NR5A2: variants seen among roughly 807,000 people sequenced by gnomAD.
The protein encoded by NR5A2 is nuclear receptor subfamily 5 group A member 2, also known as CYP7A promoter-binding factor.
Under a neutral mutation model 62.7 loss-of-function variants are expected in NR5A2, and 26 were observed. The ratio of observed to expected loss-of-function variants is 0.41; its 90% CI spans 0.30 to 0.58. The LOEUF (loss-of-function observed/expected upper bound fraction) is 0.58. Ranked by LOEUF, NR5A2 falls within the 20% of genes least tolerant of loss-of-function variation. NR5A2 has a pLI of 0.22. For synonymous variants in NR5A2, 246 were observed against 241.7 expected, an observed-to-expected ratio of 1.02 and a Z score of -0.16; for missense variants, 541 against 669.1, an observed-to-expected ratio of 0.81 and a Z score of 2.11.
chr1:200,083,758 G>A (rs1163309801), intron 5 of NR5A2, among the ~76,000 whole-genome samples: 1 of 152,018 alleles, frequency 6.6e-6, no homozygotes, highest in African/African-American at 2.4e-5. Flanking sequence ...CCTGAGGCCG[G>A]GAGTTCAAGA....
At chr1:200,051,176 A>T (rs1662613257) in intron 5 of NR5A2, among the ~76,000 whole-genome samples, 2 of 152,214 alleles carry the variant, frequency 1.3e-5, no homozygotes, top group Non-Finnish European at 1.5e-5. Flanking sequence ...AGTTTATAAT[A>T]AGACAGTTTC....
rs750009121 is a variant in NR5A2 at position 200,048,233 on chromosome 1, C to T, written c.525C>T (p.Asp175=). The T allele has an allele frequency of 6.2e-7, 1 of 1,614,022 alleles. No homozygotes were observed. Among genetic ancestry groups the T allele is most frequent in the South Asian group, 1.1e-5 (1 of 91,074 alleles). The change falls in exon 5 of 8, where the codon GAC becomes GAT. Residue 175 remains aspartate (D), a synonymous_variant. Coordinates refer to ENST00000367362, the MANE Select transcript of NR5A2 (RefSeq NM_205860.3). This position sits in a 1 kb window ranked among gnomAD's most constrained non-coding sequence, Gnocchi z 4.8. ...AGTTTGGGCCAATGTACAAGAGAGA[C>T]AGGGCCCTGAAGCAACAGAAAAAAG... ...RNKFGPMYKR[D]RALKQQKKAL...
intron 7 of NR5A2, among the ~76,000 whole-genome samples, chr1:200,131,330 C>T (rs1666962085): frequency 6.6e-6 from 1 of 152,088 alleles, no homozygotes; most frequent in Admixed American, 6.5e-5. Context: ...TATGAACTTA[C>T]AGCCATGGAA....
At chr1:200,110,178 A>C (rs1185054094) in intron 5 of NR5A2, among the ~76,000 whole-genome samples, 1 of 152,242 alleles carries the variant, frequency 6.6e-6, no homozygotes, top group Non-Finnish European at 1.5e-5. Context: ...CAAATCTAAA[A>C]TACACAAAAC....
chr1:200,084,136 G>A (rs1394968618), intron 5 of NR5A2, among the ~76,000 whole-genome samples: 6 of 151,952 alleles, frequency 3.9e-5, no homozygotes, highest in Admixed American at 1.3e-4. Flanking sequence ...AACATGAAGA[G>A]CATAGACAAA....
chr1:200,065,283 AC>A (rs557677480), intron 5 of NR5A2, among the ~76,000 whole-genome samples: 235 of 152,270 alleles, frequency 1.5e-3, no homozygotes, highest in African/African-American at 4.4e-3. Context: ...AGCTGGCACT[AC>A]AGGTGTGCAC....
chr1:200,124,220 G>C (rs1443823432), intron 7 of NR5A2, among the ~76,000 whole-genome samples: 1 of 152,154 alleles, frequency 6.6e-6, no homozygotes, highest in African/African-American at 2.4e-5. Flanking sequence ...GGTGTGTTTG[G>C]GGCTTCTGGA....
intron 5 of NR5A2, among the ~76,000 whole-genome samples, chr1:200,092,181 C>T (rs1450481926): frequency 2.0e-5 from 3 of 152,152 alleles, no homozygotes; most frequent in Non-Finnish European, 2.9e-5. Context: ...AAACAAAAAG[C>T]CCGCTTCTTA....
intron 5 of NR5A2, 53 bp from the exon 6 acceptor site, chr1:200,111,149 T>C: frequency 6.3e-7 from 1 of 1,594,608 alleles, no homozygotes; most frequent in East Asian, 2.2e-5. Context: ...AAGTAGTGAA[T>C]AACAGTGTCA....
intron 7 of NR5A2, among the ~76,000 whole-genome samples, chr1:200,149,153 T>G (rs1667871558): frequency 6.6e-6 from 1 of 152,196 alleles, no homozygotes; most frequent in African/African-American, 2.4e-5. Flanking sequence ...CCTCAGGTGA[T>G]CCATCTGCCT....
In NR5A2 at chr1:200,039,781, C is replaced by G. The variant is rs1032355029; in HGVS notation, c.188C>G (p.Pro63Arg). Residue 63 changes from proline (P) to arginine (R), a missense_variant, in exon 2 of 8, where the codon CCG (proline) becomes CGG (arginine). Physicochemically the swap from Pro to Arg is moderately radical, Grantham distance 103 (BLOSUM62 -2). Coordinates refer to ENST00000367362, the MANE Select transcript of NR5A2 (RefSeq NM_205860.3). The surrounding 1 kb of genome is among the most constrained non-coding windows in gnomAD (Gnocchi z 5.1). The part of the protein sequence containing the change: ...ARSHGEQGQM[P>R]ENMQVSQFKM... ...TCGCATGGGGAACAGGGCCAGATGCCGGAAAACATGCAAGGTAAGGAGGCG... is the reference window on the plus strand; with the variant it reads ...TCGCATGGGGAACAGGGCCAGATGCGGGAAAACATGCAAGGTAAGGAGGCG... 7.5e-6 allele frequency: 12 copies of G among 1,605,586 alleles called. No individual in the cohort carries two copies. In the South Asian group the frequency reaches 9.9e-5, roughly 13 times the overall value.
At chr1:200,158,484 T>A (rs1207564961) in intron 7 of NR5A2, among the ~76,000 whole-genome samples, 1 of 152,238 alleles carries the variant, frequency 6.6e-6, no homozygotes, top group African/African-American at 2.4e-5. Context: ...AAAAATTGGA[T>A]GTTAAAATTG....
intron 5 of NR5A2, among the ~76,000 whole-genome samples, chr1:200,096,419 G>GTT (rs1665103631): frequency 1.3e-5 from 2 of 152,154 alleles, no homozygotes; most frequent in Non-Finnish European, 2.9e-5. Flanking sequence ...AAACACAACA[G>GTT]GGTATGAGTT....
intron 1 of NR5A2, among the ~76,000 whole-genome samples, chr1:200,031,753 T>A (rs1390418514): frequency 1.3e-5 from 2 of 151,992 alleles, no homozygotes; most frequent in Non-Finnish European, 2.9e-5. Context: ...TAATTTTTTG[T>A]ATTTTTAGTA....
At chr1:200,090,453 GC>G (rs1664762358) in intron 5 of NR5A2, among the ~76,000 whole-genome samples, 1 of 152,134 alleles carries the variant, frequency 6.6e-6, no homozygotes, top group African/African-American at 2.4e-5. Context: ...TGTAGCCTCT[GC>G]ACACTCCTGA....
chr1:200,029,361 C>A, intron 1 of NR5A2: 1 of 166,828 alleles, frequency 6.0e-6, no homozygotes, highest in Non-Finnish European at 1.3e-5. Flanking sequence ...CAGTCTCCCC[C>A]ACACCCCATG....
intron 5 of NR5A2, among the ~76,000 whole-genome samples, chr1:200,106,538 A>G (rs1240189641): frequency 6.6e-6 from 1 of 152,264 alleles, no homozygotes; most frequent in East Asian, 1.9e-4. Flanking sequence ...CTTTTATTGT[A>G]GCTGATAACA....
At chr1:200,142,188 C>CTTTTTT (rs535827114) in intron 7 of NR5A2, among the ~76,000 whole-genome samples, 1 of 55,418 alleles carries the variant, frequency 1.8e-5, no homozygotes, top group African/African-American at 6.5e-5. Context: ...TTAAAGACTT[C>CTTTTTT]TTTTTTTTTT....
intron 7 of NR5A2, among the ~76,000 whole-genome samples, chr1:200,142,655 C>A (rs1003332643): frequency 6.6e-6 from 1 of 152,192 alleles, no homozygotes; most frequent in African/African-American, 2.4e-5. Flanking sequence ...CTGCCTCCCA[C>A]ATAGCTGGGA....
Sources: gnomAD v4.1 joint callset for allele counts (sites outside exome capture counted in the v4.1 genomes callset) on GRCh38, gnomAD v4.1.1 for gene constraint, Gnocchi (gnomAD v3.1) non-coding constraint, MANE v1.5 for transcripts, NCBI Gene and HGNC (gene_info 2026-07-23, HGNC 2026-07-21) for gene names.